SLC19A1: variants seen among roughly 807,000 people sequenced by gnomAD.
SLC19A1 encodes solute carrier family 19 member 1.
Under a neutral mutation model 35.3 loss-of-function variants are expected in SLC19A1, and 37 were observed. That is an observed-to-expected ratio of 1.05 (90% confidence interval 0.81 to 1.38). The LOEUF (loss-of-function observed/expected upper bound fraction) is 1.38, where lower values mean the gene tolerates loss of function less well. SLC19A1 is among the 40% of genes most tolerant of loss of function. The pLI is 0.00. For synonymous variants in SLC19A1, 460 were observed against 398.5 expected, an observed-to-expected ratio of 1.15 and a Z score of -1.84; for missense variants, 831 against 826.9, an observed-to-expected ratio of 1.00 and a Z score of -0.06.
At position 45,515,122 on chromosome 21, in the gene SLC19A1, G is replaced by A; in HGVS notation, c.*536C>T. 2.6e-6 allele frequency: 4 copies of A among 1,540,276 alleles called. No homozygotes were observed. The highest frequency in any genetic ancestry group is 2.5e-5 in the East Asian group (1 of 40,748). The stretch of plus-strand genomic sequence containing the variant: ...GCCAACCTGAGATGGCTTTTCCACA[G>A]AGACAGAGAAGCCACATGCAGTTCT... On this transcript the variant is annotated 3_prime_UTR_variant, in exon 6 of 6. Transcript: ENST00000311124.
At chr21:45,545,299 C>G (rs2078402434), upstream of SLC19A1, among the ~76,000 whole-genome samples, 1 of 152,136 alleles carries the variant, frequency 6.6e-6, no homozygotes, top group Admixed American at 6.5e-5. Flanking sequence ...TGGCTTAGCA[C>G]CATCACCTTG....
chr21:45,511,574 G>A (rs1007051237), downstream of SLC19A1, among the ~76,000 whole-genome samples: 2 of 152,108 alleles, frequency 1.3e-5, no homozygotes, highest in Admixed American at 6.5e-5. Context: ...TCCTCAAAGG[G>A]CAACACGGAG....
At chr21:45,523,678 A>C (rs1399125548) in intron 5 of SLC19A1, among the ~76,000 whole-genome samples, 1 of 152,118 alleles carries the variant, frequency 6.6e-6, no homozygotes, top group Non-Finnish European at 1.5e-5. Context: ...AGAGGGATGG[A>C]GGTGGGGCGG....
downstream of SLC19A1, chr21:45,511,138 G>A: frequency 6.3e-7 from 1 of 1,592,450 alleles, no homozygotes. Context: ...CAGCTGGGAG[G>A]CTCTGTTCTC....
chr21:45,531,436 C>G lies in SLC19A1; in HGVS notation c.902G>C (p.Ser301Thr). 1 of 1,610,664 alleles carries G rather than the reference C, an allele frequency of 6.2e-7. No individual in the cohort carries two copies. The highest frequency in any genetic ancestry group is 1.1e-5 in the South Asian group (1 of 90,804). The change falls in exon 3 of 6, where the codon AGT becomes ACT. Residue 301 changes from serine to threonine, a missense_variant. Physicochemically the swap from Ser to Thr is moderately conservative, Grantham distance 58. Coordinates refer to ENST00000311124, the MANE Select transcript of SLC19A1 (RefSeq NM_194255.4). The part of the protein sequence containing the change: ...LWNEVDPTTN[S>T]ARVYNGAADA... The stretch of plus-strand genomic sequence containing the variant: ...TGCCGCGCCGTTGTAGACCCGCGCA[C>G]TGTTGGTGGTGGGGTCCACCTCGTT...
intron 3 of SLC19A1, among the ~76,000 whole-genome samples, chr21:45,503,753 TCA>T (rs2037006573): frequency 2.6e-5 from 4 of 151,814 alleles, no homozygotes; most frequent in Non-Finnish European, 5.9e-5. Flanking sequence ...AACCTGCACA[TCA>T]TGCACATGTA....
intron 5 of SLC19A1, 134 bp downstream of exon 5, chr21:45,525,683 A>T: frequency 1.1e-6 from 1 of 947,370 alleles, no homozygotes; most frequent in Non-Finnish European, 1.6e-6. Context: ...GGTGTGTCCC[A>T]CTGGAAGCCC....
At chr21:45,549,033 G>A (rs1486410464), upstream of SLC19A1, among the ~76,000 whole-genome samples, 1 of 152,210 alleles carries the variant, frequency 6.6e-6, no homozygotes, top group Non-Finnish European at 1.5e-5. Context: ...TCCACTCCTA[G>A]GCATCTGTTG....
intron 3 of SLC19A1, chr21:45,505,085 A>G (rs1398564105): frequency 3.8e-6 from 6 of 1,590,906 alleles, no homozygotes; most frequent in Non-Finnish European, 4.3e-6. Flanking sequence ...GCCCGCCCCC[A>G]GTCCAGGGCA....
At chr21:45,532,624 G>A (rs1569005611) in intron 2 of SLC19A1, among the ~76,000 whole-genome samples, 1 of 34,342 alleles carries the variant, frequency 2.9e-5, no homozygotes, top group South Asian at 1.4e-3. Flanking sequence ...AGTAGAGATG[G>A]GGGTTTCACC....
At chr21:45,549,805 TG>T (rs1490376438) in intron 1 of SLC19A1, among the ~76,000 whole-genome samples, 1 of 4,868 alleles carries the variant, frequency 2.1e-4, no homozygotes, top group Non-Finnish European at 4.0e-4. Flanking sequence ...GGAGGACAGG[TG>T]GGGGGTGGTG....
intron 1 of SLC19A1, among the ~76,000 whole-genome samples, chr21:45,550,465 T>C (rs2078454373): frequency 6.6e-6 from 1 of 152,156 alleles, no homozygotes; most frequent in African/African-American, 2.4e-5. Flanking sequence ...AAGGGCTGGT[T>C]CTCCAGCTGG....
intron 3 of SLC19A1, chr21:45,506,748 G>GCCCTCCCACCTTCCCTCTGGAA (rs879896953): frequency 7.8e-5 from 6 of 77,414 alleles, no homozygotes; most frequent in Admixed American, 2.3e-4. Context: ...TCCTTCTAGA[G>GCCCTCCCACCTTCCCTCTGGAA]CCCTCCCACC....
chr21:45,511,646 C>T (rs779114150), downstream of SLC19A1, among the ~76,000 whole-genome samples: 15 of 152,126 alleles, frequency 9.9e-5, no homozygotes, highest in Non-Finnish European at 2.1e-4. Flanking sequence ...AAGAACGCTT[C>T]GTCCCAAATG....
chr21:45,556,741 C>T (rs570717793), intron 1 of SLC19A1, among the ~76,000 whole-genome samples: 1 of 152,160 alleles, frequency 6.6e-6, no homozygotes, highest in Non-Finnish European at 1.5e-5. Context: ...TGATCTGTCT[C>T]TGTTGCACCA....
At chr21:45,505,499 C>G in intron 3 of SLC19A1, 1 of 839,402 alleles carries the variant, frequency 1.2e-6, no homozygotes, top group Non-Finnish European at 2.0e-6. Flanking sequence ...GCCCCTGCCC[C>G]TCAGAGACAC....
chr21:45,558,266 A>G (rs2078582885), intron 1 of SLC19A1, among the ~76,000 whole-genome samples: 1 of 152,214 alleles, frequency 6.6e-6, no homozygotes, highest in African/African-American at 2.4e-5. Context: ...CCCCAAGTCC[A>G]GGTGGGCCAC....
chr21:45,531,723 G>C lies in SLC19A1; in HGVS notation c.615C>G (p.Arg205=). The C allele has an allele frequency of 6.2e-7, 1 of 1,612,834 alleles. No individual in the cohort carries two copies. The highest frequency in any genetic ancestry group is 8.5e-7 in the Non-Finnish European group (1 of 1,179,686). The change falls in exon 3 of 6, where the codon CGC becomes CGG. Residue 205 remains arginine, a synonymous_variant. Coordinates refer to ENST00000311124, the MANE Select transcript of SLC19A1 (RefSeq NM_194255.4). ...FSVVLALFLK[R]PKRSLFFNRD... ...GGTTGAAGAAGAGGCTGCGCTTGGG[G>C]CGCTTCAGGAAGAGGGCGAGGACCA... is the stretch of plus-strand genomic sequence containing the variant.
chr21:45,510,946 C>CACAT (rs1555876664), downstream of SLC19A1, among the ~76,000 whole-genome samples: 894 of 57,392 alleles, frequency 0.016, 27 homozygotes, highest in African/African-American at 0.081. Context: ...AAAACACACA[C>CACAT]CCACAACACC....
Sources: allele counts gnomAD v4.1 joint callset (sites outside exome capture counted in the v4.1 genomes callset), GRCh38; gene constraint gnomAD v4.1.1; transcripts MANE v1.5; gene names NCBI Gene and HGNC (gene_info 2026-07-23, HGNC 2026-07-21).